The following FLI1 variants were observed in gnomAD, a reference collection of about 807,000 sequenced individuals.
FLI1 encodes the protein Friend leukemia integration 1 transcription factor.
A neutral mutation model predicts 53.1 loss-of-function variants in FLI1; 13 were observed. That is an observed-to-expected ratio of 0.24 (90% CI 0.16 to 0.39). The LOEUF (loss-of-function observed/expected upper bound fraction) is 0.39. FLI1 is among the 10% of genes least tolerant of loss of function. The probability of loss-of-function intolerance (pLI) is 1.00; values close to 1 mark genes in which losing one functional copy is unlikely to be tolerated. For missense variants in FLI1, 424 were observed against 600.5 expected (o/e 0.71, Z 3.07); for synonymous variants, 244 against 236.7 (o/e 1.03, Z -0.28).
At chr11:128,748,588 G>A (rs1444301139) in intron 1 of FLI1, among the ~76,000 whole-genome samples, 2 of 151,886 alleles carry the variant, frequency 1.3e-5, no homozygotes, top group Non-Finnish European at 2.9e-5. Flanking sequence ...AGCTGAGATC[G>A]CGCCTCTGCA....
In FLI1 at chr11:128,807,226, A is replaced by G. The variant is rs374722269; in HGVS notation, c.768A>G (p.Gln256=). The part of the protein sequence containing the change: ...GAQTISKNTE[Q]RPQPDPYQIL... ...AAACGATCAGTAAGAATACAGAGCA[A>G]CGGCCCCAGCCAGGTACCTGCCCAG... is the stretch of plus-strand genomic sequence containing the variant. The change falls in exon 7 of 9, where the codon CAA becomes CAG. Residue 256 remains glutamine (Q), a synonymous_variant. Coordinates refer to ENST00000527786, the MANE Select transcript of FLI1 (RefSeq NM_002017.5). 1.9e-6 allele frequency: 3 copies of G among 1,599,550 alleles called. No individual in the cohort carries two copies. The highest frequency in any genetic ancestry group is 2.6e-6 in the Non-Finnish European group (3 of 1,172,740).
At chr11:128,762,824 C>T (rs777447040) in intron 2 of FLI1, among the ~76,000 whole-genome samples, 48 of 151,998 alleles carry the variant, frequency 3.2e-4, no homozygotes, top group Non-Finnish European at 4.9e-4. Context: ...GGCATGGTGG[C>T]GCATGCCTGT....
intron 5 of FLI1, among the ~76,000 whole-genome samples, chr11:128,790,756 T>G (rs1942247379): frequency 6.6e-6 from 1 of 152,220 alleles, no homozygotes. Flanking sequence ...AGGAATTTTG[T>G]GTATGTAGGT....
rs766077047 is a variant in FLI1, at chr11:128,698,733, T to TGTGTGTGTGTGTGTGTGTGAGA, written c.18+4458_18+4459insTGTGTGTGTGTGTGTGTGAGAG. ...TTGCGTGTGTGTGTGTGTGTGTGTG[T>TGTGTGTGTGTGTGTGTGTGAGA]GAGAGAGAGAGAGAGAGAGAGAAGT... On this transcript the variant is annotated intron_variant, in intron 1 of 8. Coordinates refer to ENST00000527786, the MANE Select transcript of FLI1 (RefSeq NM_002017.5). 2.8e-4 allele frequency among the ~76,000 whole-genome samples: 38 copies of TGTGTGTGTGTGTGTGTGTGAGA among 133,820 alleles called. 1 individual carries two copies. In the Middle Eastern group the frequency reaches 0.011, roughly 40 times the overall value. 87.8% of individuals were successfully genotyped at this position (133,820 alleles called of 152,430 possible). A position where few individuals can be genotyped will look rare whatever the true frequency, so the allele number is the denominator to read the frequency against.
At chr11:128,799,797 A>G (rs534590236) in intron 5 of FLI1, among the ~76,000 whole-genome samples, 2 of 152,266 alleles carry the variant, frequency 1.3e-5, no homozygotes, top group East Asian at 3.9e-4. Flanking sequence ...ACAGGTGGAG[A>G]GCAGGATGAA....
intron 5 of FLI1, among the ~76,000 whole-genome samples, chr11:128,799,921 G>T (rs567285176): frequency 6.6e-6 from 1 of 152,174 alleles, no homozygotes. Context: ...GGGTTTTAGA[G>T]GATCTCCTAG....
At chr11:128,789,152 C>T (rs932737703) in intron 5 of FLI1, among the ~76,000 whole-genome samples, 23 of 152,218 alleles carry the variant, frequency 1.5e-4, no homozygotes, top group African/African-American at 4.1e-4. Flanking sequence ...AGGAAACCAG[C>T]GTGTTTGTTG....
intron 1 of FLI1, among the ~76,000 whole-genome samples, chr11:128,702,807 A>G (rs1938393361): frequency 6.6e-6 from 1 of 151,634 alleles, no homozygotes; most frequent in Non-Finnish European, 1.5e-5. Flanking sequence ...GGTTGCAGTG[A>G]GCCAAGATCG....
At chr11:128,798,903 A>G (rs1942530153) in intron 5 of FLI1, among the ~76,000 whole-genome samples, 1 of 152,188 alleles carries the variant, frequency 6.6e-6, no homozygotes. Context: ...CCTAACAGCC[A>G]GGCAGACCAC....
At chr11:128,789,404 G>A (rs780010402) in intron 5 of FLI1, among the ~76,000 whole-genome samples, 7 of 152,224 alleles carry the variant, frequency 4.6e-5, no homozygotes, top group Non-Finnish European at 8.8e-5. Flanking sequence ...TTTGGCCGGG[G>A]AGGGCGGAGT....
intron 1 of FLI1, chr11:128,695,885 C>T (rs1402337366): frequency 5.3e-5 from 8 of 152,270 alleles, no homozygotes; most frequent in Admixed American, 3.9e-4. Context: ...AAAACTCCCT[C>T]GCCCCAATCA....
intron 1 of FLI1, among the ~76,000 whole-genome samples, chr11:128,748,998 GTTGT>G (rs1432460158): frequency 1.8e-4 from 28 of 152,274 alleles, no homozygotes; most frequent in African/African-American, 6.3e-4. Context: ...GTTTTTGTCT[GTTGT>G]TTATTTTGTT....
intron 4 of FLI1, among the ~76,000 whole-genome samples, 181 bp downstream of exon 4, chr11:128,773,166 T>C (rs995959216): frequency 5.9e-5 from 9 of 152,100 alleles, no homozygotes; most frequent in Admixed American, 5.9e-4. Context: ...GACCCAATCC[T>C]GAAGTGTCAA....
intron 3 of FLI1, among the ~76,000 whole-genome samples, chr11:128,771,389 C>A (rs968309312): frequency 2.0e-5 from 3 of 152,216 alleles, no homozygotes; most frequent in African/African-American, 7.2e-5. Context: ...GCCCTGCCAC[C>A]CAGATTCTCA....
rs771986773 is a variant in FLI1, at chr11:128,811,777, C to T, written c.*789C>T. 4.9e-5 allele frequency: 10 copies of T among 202,096 alleles called. No homozygotes were observed. The highest frequency in any genetic ancestry group is 9.2e-5 in the Non-Finnish European group (9 of 98,284). The allele number at this position is 202,096 out of a possible 1,614,324, so 12.5% of individuals were successfully genotyped here. A position where few individuals can be genotyped will look rare whatever the true frequency, so the allele number is the denominator to read the frequency against. The stretch of plus-strand genomic sequence containing the variant: ...CTAAACTCAAGCAGATTCGCAAGTG[C>T]TGTGCGCTTGTCAGACCATCAGACC... On this transcript the variant is annotated 3_prime_UTR_variant, in exon 9 of 9. Transcript: ENST00000527786.
chr11:128,713,638 A>T (rs1337436071), intron 1 of FLI1, among the ~76,000 whole-genome samples: 1 of 151,034 alleles, frequency 6.6e-6, no homozygotes, highest in Non-Finnish European at 1.5e-5. Flanking sequence ...ACAGTTATTG[A>T]GCTTGTTGTT....
At chr11:128,703,066 A>G (rs934814170) in intron 1 of FLI1, among the ~76,000 whole-genome samples, 6 of 152,206 alleles carry the variant, frequency 3.9e-5, no homozygotes, top group Non-Finnish European at 8.8e-5. Flanking sequence ...GAAAATACAA[A>G]TGGGCAATAA....
At chr11:128,784,633 G>A (rs1024617633) in intron 5 of FLI1, among the ~76,000 whole-genome samples, 1 of 152,122 alleles carries the variant, frequency 6.6e-6, no homozygotes, top group African/African-American at 2.4e-5. Context: ...GAATCTGTCT[G>A]AACGACCCAT....
At chr11:128,775,351 G>A (rs954843741) in intron 4 of FLI1, among the ~76,000 whole-genome samples, 9 of 150,770 alleles carry the variant, frequency 6.0e-5, no homozygotes, top group East Asian at 1.9e-4. Context: ...TAAAATAATC[G>A]TGTTAAATTA....
Sources: allele counts gnomAD v4.1 joint callset (sites outside exome capture counted in the v4.1 genomes callset), GRCh38; gene constraint gnomAD v4.1.1; transcripts MANE v1.5; gene names NCBI Gene and HGNC (gene_info 2026-07-23, HGNC 2026-07-21).